The following COL21A1 variants were observed in gnomAD, a reference collection of about 807,000 sequenced individuals.
COL21A1 encodes the protein collagen alpha-1(XXI) chain.
COL21A1 carries 149 observed loss-of-function variants against 137.9 expected under a neutral mutation model. That is an observed-to-expected ratio of 1.08 (90% CI 0.95 to 1.24). The LOEUF is 1.24. Among genes scored for constraint, COL21A1 ranks in the 50% most tolerant of loss-of-function variants. The probability of loss-of-function intolerance (pLI) is 0.00; values close to 1 mark genes in which losing one functional copy is unlikely to be tolerated. For missense variants in COL21A1, 1,167 were observed against 1,158.4 expected (o/e 1.01, Z -0.11); for synonymous variants, 456 against 391.5 (o/e 1.16, Z -1.95).
At chr6:56,385,948 G>A (rs1266893810) in intron 1 of COL21A1, among the ~76,000 whole-genome samples, 2 of 149,090 alleles carry the variant, frequency 1.3e-5, no homozygotes, top group African/African-American at 2.5e-5. Flanking sequence ...CACCTAGGCT[G>A]GAGTGCAGTG....
At chr6:56,276,762 A>C in intron 1 of COL21A1, 1 of 1,231,532 alleles carries the variant, frequency 8.1e-7, no homozygotes, top group Non-Finnish European at 1.2e-6. Context: ...AATCATCTCT[A>C]CTTTATTTGC....
intron 10 of COL21A1, among the ~76,000 whole-genome samples, chr6:56,145,497 G>A (rs906588153): frequency 2.6e-5 from 4 of 151,918 alleles, no homozygotes; most frequent in African/African-American, 7.3e-5. Flanking sequence ...TAAAAACCAG[G>A]AAAATAAAGG....
rs767714188 is a variant in COL21A1 at position 56,101,478 on chromosome 6, T to C, written c.1806A>G (p.Gly602=). Residue 602 remains glycine (G), a synonymous_variant, in exon 17 of 30, where the codon GGA becomes GGG. Transcript: ENST00000244728. Reference sequence around the variant, plus strand: ...GAAATGAGAAGGTACTCACAGGCTCTCCCCGTGTTCCATCCTGCCCCGGAG... The same window carrying C: ...GAAATGAGAAGGTACTCACAGGCTCCCCCCGTGTTCCATCCTGCCCCGGAG... ...PGAPGQDGTR[G]EPGIPGFPGN... 2.5e-6 allele frequency: 4 copies of C among 1,593,446 alleles called. No individual in the cohort carries two copies. Among genetic ancestry groups the C allele is most frequent in the Middle Eastern group, 1.7e-4 (1 of 6,056 alleles).
rs147343620 is a variant in COL21A1, at chr6:56,353,584, T to C, written c.-39+40387A>G. On this transcript the variant is annotated intron_variant, in intron 1 of 28. Coordinates refer to the COL21A1 transcript ENST00000370819. ...TCATGCGAGATAATAAAAACTAGTGTTGTCTTATAACACTAAGCCTGGAGT... is the reference window on the plus strand; with the variant it reads ...TCATGCGAGATAATAAAAACTAGTGCTGTCTTATAACACTAAGCCTGGAGT... Among the ~76,000 whole-genome samples, 31 of 152,330 alleles carry C rather than the reference T, an allele frequency of 2.0e-4. No individual in the cohort carries two copies. The East Asian group carries it at 5.8e-3, about 28-fold the overall frequency.
intron 17 of COL21A1, among the ~76,000 whole-genome samples, chr6:56,088,249 A>G (rs1768446944): frequency 6.6e-6 from 1 of 152,104 alleles, no homozygotes; most frequent in Admixed American, 6.5e-5. Context: ...CTATAATCTC[A>G]GCTACTGAGG....
Position 56,074,524 on chromosome 6 carries a change from T to G in COL21A1, c.1912-239A>C, listed in dbSNP as rs9475554. Among the ~76,000 whole-genome samples the G allele has an allele frequency of 7.3e-3, 1,111 of 151,592 alleles. 15 individuals carry two copies. Among genetic ancestry groups the G allele is most frequent in the African/African-American group, 0.025 (1,042 of 41,494 alleles). ...GCAGAGCGCTTATGATTCTATTGCT[T>G]ACAAAAACTACAAATAGAGAAAATG... On this transcript the variant is annotated intron_variant, in intron 19 of 29. Transcript: ENST00000244728.
intron 17 of COL21A1, among the ~76,000 whole-genome samples, chr6:56,099,381 C>T (rs940563267): frequency 2.0e-5 from 3 of 151,482 alleles, no homozygotes; most frequent in South Asian, 2.1e-4. Flanking sequence ...GGACTACAGG[C>T]GCCCGCCACC....
At chr6:56,146,872 A>ATCC (rs1226758466) in intron 10 of COL21A1, among the ~76,000 whole-genome samples, 1 of 152,172 alleles carries the variant, frequency 6.6e-6, no homozygotes, top group Non-Finnish European at 1.5e-5. Flanking sequence ...CCTAAATCTA[A>ATCC]TCCTCTCTCA....
chr6:56,304,240 G>A (rs1352503492), intron 1 of COL21A1, among the ~76,000 whole-genome samples: 1 of 151,946 alleles, frequency 6.6e-6, no homozygotes, highest in Non-Finnish European at 1.5e-5. Flanking sequence ...GATGATGCTG[G>A]CCTCATAAAA....
intron 1 of COL21A1, among the ~76,000 whole-genome samples, chr6:56,224,011 C>T (rs1312871654): frequency 1.3e-5 from 2 of 152,006 alleles, no homozygotes; most frequent in Non-Finnish European, 2.9e-5. Flanking sequence ...AAATTTGTTT[C>T]CTGACTGGAA....
chr6:56,137,342 C>T (rs1337818630), intron 12 of COL21A1, among the ~76,000 whole-genome samples: 1 of 152,084 alleles, frequency 6.6e-6, no homozygotes, highest in Non-Finnish European at 1.5e-5. Flanking sequence ...CGTGAAAGCA[C>T]CCAATACATA....
chr6:56,203,769 G>T (rs1241995891), intron 1 of COL21A1, among the ~76,000 whole-genome samples: 2 of 152,188 alleles, frequency 1.3e-5, no homozygotes, highest in Non-Finnish European at 1.5e-5. Context: ...GAGGTACCCA[G>T]TTCATCTCAC....
intron 1 of COL21A1, among the ~76,000 whole-genome samples, chr6:56,299,063 A>G (rs1360063020): frequency 6.6e-6 from 1 of 152,176 alleles, no homozygotes; most frequent in Admixed American, 6.6e-5. Context: ...GAGCAGGGAC[A>G]CAAACCTGGG....
chr6:56,304,282 G>T (rs1298796328), intron 1 of COL21A1, among the ~76,000 whole-genome samples: 7 of 151,772 alleles, frequency 4.6e-5, no homozygotes, highest in African/African-American at 1.7e-4. Context: ...TTTTTCTATT[G>T]ATTGGAATAG....
At chr6:56,386,590 TG>T in intron 1 of COL21A1, among the ~76,000 whole-genome samples, 1 of 91,594 alleles carries the variant, frequency 1.1e-5, no homozygotes, top group South Asian at 6.1e-4. Flanking sequence ...TGATAAAACT[TG>T]TTGTTGTTGT....
intron 1 of COL21A1, among the ~76,000 whole-genome samples, chr6:56,386,071 A>AT (rs1482835028): frequency 6.6e-6 from 1 of 151,850 alleles, no homozygotes; most frequent in Non-Finnish European, 1.5e-5. Context: ...CCATAAGTCA[A>AT]TCCCATAGCT....
At chr6:56,188,390 G>T (rs1479867501) in intron 1 of COL21A1, among the ~76,000 whole-genome samples, 1 of 152,082 alleles carries the variant, frequency 6.6e-6, no homozygotes, top group Non-Finnish European at 1.5e-5. Flanking sequence ...CTATCAACAG[G>T]ACAATCAATA....
At chr6:56,293,643 T>C (rs916364846) in intron 1 of COL21A1, among the ~76,000 whole-genome samples, 4 of 152,172 alleles carry the variant, frequency 2.6e-5, no homozygotes, top group Admixed American at 1.3e-4. Flanking sequence ...AACTTTCACA[T>C]TTCCTTAGGC....
intron 1 of COL21A1, among the ~76,000 whole-genome samples, chr6:56,263,164 G>A (rs1050435828): frequency 2.0e-5 from 3 of 152,182 alleles, no homozygotes; most frequent in South Asian, 2.1e-4. Flanking sequence ...AGAGTCTAAC[G>A]CATAGTATGC....
Sources: gnomAD v4.1 joint callset for allele counts (sites outside exome capture counted in the v4.1 genomes callset) on GRCh38, gnomAD v4.1.1 for gene constraint, MANE v1.5 for transcripts, NCBI Gene and HGNC (gene_info 2026-07-23, HGNC 2026-07-21) for gene names.